The following HNRNPA3 variants were observed in gnomAD, a reference collection of about 807,000 sequenced individuals.
The protein encoded by HNRNPA3 is heterogeneous nuclear ribonucleoprotein A3.
Under a neutral mutation model 45.8 loss-of-function variants are expected in HNRNPA3, and 3 were observed. The ratio of observed to expected loss-of-function variants is 0.07; its 90% CI spans 0.03 to 0.17. The LOEUF (loss-of-function observed/expected upper bound fraction) is 0.17, where lower values mean the gene tolerates loss of function less well. Among genes scored for constraint, HNRNPA3 ranks in the 10% least tolerant of loss-of-function variants. The probability of loss-of-function intolerance (pLI) is 1.00; values close to 1 mark genes in which losing one functional copy is unlikely to be tolerated. For synonymous variants in HNRNPA3, 170 were observed against 155.6 expected, an observed-to-expected ratio of 1.09 and a Z score of -0.69; for missense variants, 183 against 480.3, an observed-to-expected ratio of 0.38 and a Z score of 5.79.
At chr2:177,212,983 G>A in intron 1 of HNRNPA3, 112 bp downstream of exon 1, 1 of 676,354 alleles carries the variant, frequency 1.5e-6, no homozygotes, top group Admixed American at 3.6e-5. Context: ...CTCTTGCGTT[G>A]AGACAGGCTG....
chr2:177,216,617 A>G, intron 5 of HNRNPA3, 25 bp downstream of exon 5: 2 of 1,611,282 alleles, frequency 1.2e-6, no homozygotes, highest in Non-Finnish European at 1.7e-6. Flanking sequence ...ACACATGTAT[A>G]CAGTGGATAT....
chr2:177,220,204 G>C (rs1175213185), downstream of HNRNPA3: 1 of 152,574 alleles, frequency 6.6e-6, no homozygotes, highest in Non-Finnish European at 1.5e-5. Context: ...CTGAGTCCTA[G>C]CTGTGTTTAG....
downstream of HNRNPA3, chr2:177,223,408 AAGTT>A (rs1689273709): frequency 2.0e-5 from 3 of 152,146 alleles, no homozygotes; most frequent in South Asian, 6.2e-4. Flanking sequence ...AAAAAAAAAA[AAGTT>A]GTTATATAAG....
chr2:177,215,468 A>T, intron 1 of HNRNPA3, 71 bp from the exon 2 acceptor site: 1 of 1,465,292 alleles, frequency 6.8e-7, no homozygotes, highest in South Asian at 1.2e-5. Context: ...CTTACCGTAC[A>T]TTAAAGGCTC....
At chr2:177,222,904 T>G (rs541531486), downstream of HNRNPA3, 1 of 152,618 alleles carries the variant, frequency 6.6e-6, no homozygotes, top group South Asian at 2.1e-4. Context: ...CTTTTTTGTT[T>G]TGGTTCATCT....
chr2:177,222,698 G>A (rs1256096685), downstream of HNRNPA3: 1 of 152,314 alleles, frequency 6.6e-6, no homozygotes, highest in African/African-American at 2.4e-5. Flanking sequence ...CAGCTATTTG[G>A]GAGGCTGCCT....
At chr2:177,218,329 TG>T (rs1453653288) in intron 8 of HNRNPA3, among the ~76,000 whole-genome samples, 2 of 152,182 alleles carry the variant, frequency 1.3e-5, no homozygotes, top group African/African-American at 4.8e-5. Context: ...CCCAAAGTAC[TG>T]GGATTACAGG....
At chr2:177,216,110 G>A in exon 4 of HNRNPA3, 2 of 1,562,600 alleles carry the variant, frequency 1.3e-6, no homozygotes, top group Non-Finnish European at 1.7e-6. Context: ...AGAAGTTATG[G>A]AAGACAGGCA....
intron 7 of HNRNPA3, among the ~76,000 whole-genome samples, chr2:177,217,484 G>C (rs1037299647): frequency 3.3e-5 from 5 of 152,156 alleles, no homozygotes; most frequent in African/African-American, 1.2e-4. Flanking sequence ...AAATAAAATA[G>C]GGGAACATGG....
chr2:177,214,577 C>T (rs1304212252), intron 1 of HNRNPA3, among the ~76,000 whole-genome samples: 11 of 152,132 alleles, frequency 7.2e-5, no homozygotes, highest in Non-Finnish European at 1.2e-4. Context: ...GGGCGGATCA[C>T]GAGGTCAGGA....
At chr2:177,212,835 C>T (rs779347498) in exon 1 of HNRNPA3, 12 of 1,556,638 alleles carry the variant, frequency 7.7e-6, no homozygotes, top group South Asian at 5.9e-5. Context: ...GCCCCCAGCC[C>T]GACTCCGGCC....
At chr2:177,219,341 A>G in intron 10 of HNRNPA3, 27 bp downstream of exon 10, 1 of 1,509,158 alleles carries the variant, frequency 6.6e-7, no homozygotes, top group Non-Finnish European at 9.1e-7. Flanking sequence ...TTTTATTATG[A>G]TGATAAAAGA....
At position 177,216,489 on chromosome 2, in the gene HNRNPA3, GA is replaced by G. The variant is rs756377153; in HGVS notation, c.554-6del. On this transcript the variant is annotated splice_polypyrimidine_tract_variant and intron_variant, in intron 4 of 10. Coordinates refer to ENST00000392524, the Ensembl canonical transcript of HNRNPA3. Reference sequence around the variant, plus strand: ...AAATAACTTTTTGTTTTGTTTGATTGAAAAAAAATTTAGTTCAGAAATACCA... The same window carrying G: ...AAATAACTTTTTGTTTTGTTTGATTGAAAAAAATTTAGTTCAGAAATACCA... The G allele has an allele frequency of 8.8e-6, 14 of 1,598,788 alleles. No individual in the cohort carries two copies. The highest frequency in any genetic ancestry group is 2.2e-5 in the East Asian group (1 of 44,804).
intron 1 of HNRNPA3, among the ~76,000 whole-genome samples, chr2:177,213,468 G>T (rs1688779941): frequency 6.6e-6 from 1 of 152,234 alleles, no homozygotes; most frequent in Non-Finnish European, 1.5e-5. Flanking sequence ...CCTTTTACGG[G>T]TCCTCTCCGC....
chr2:177,223,608 A>G (rs1410831264), downstream of HNRNPA3: 4 of 152,254 alleles, frequency 2.6e-5, no homozygotes, highest in Admixed American at 6.5e-5. Flanking sequence ...AATAATCACA[A>G]ATTGAAACCT....
chr2:177,216,061 G>A (rs1408184559), exon 4 of HNRNPA3: 5 of 1,564,808 alleles, frequency 3.2e-6, no homozygotes, highest in Non-Finnish European at 3.5e-6. Flanking sequence ...AATATAATTT[G>A]AGAGACTACT....
At chr2:177,215,386 C>T (rs1053262463) in intron 1 of HNRNPA3, among the ~76,000 whole-genome samples, 153 bp from the exon 2 acceptor site, 2 of 152,150 alleles carry the variant, frequency 1.3e-5, no homozygotes, top group African/African-American at 4.8e-5. Context: ...TGAGACATCG[C>T]GCCGGTGTCT....
In HNRNPA3 at chr2:177,216,657, T is replaced by C. The variant is rs1224291790; in HGVS notation, c.644-19T>C. 2 of 1,613,944 alleles carry C rather than the reference T, an allele frequency of 1.2e-6. No individual in the cohort carries two copies. The highest frequency in any genetic ancestry group is 2.2e-5 in the East Asian group (1 of 44,882). On this transcript the variant is annotated intron_variant, in intron 5 of 10. Coordinates refer to ENST00000392524, the Ensembl canonical transcript of HNRNPA3. ...GGTGTTTGTAAGGTTCTTAAAAATC[T>C]CCCTTGCCTGTATTAAAGGTCGTGG...
chr2:177,222,465 CAGTA>C (rs1203511643), downstream of HNRNPA3: 2 of 152,160 alleles, frequency 1.3e-5, no homozygotes, highest in African/African-American at 4.8e-5. Context: ...ACAACAGACT[CAGTA>C]AGCTGCCCAT....
Sources: gnomAD v4.1 joint callset for allele counts (sites outside exome capture counted in the v4.1 genomes callset) on GRCh38, gnomAD v4.1.1 for gene constraint, MANE v1.5 for transcripts, NCBI Gene and HGNC (gene_info 2026-07-23, HGNC 2026-07-21) for gene names.